The following ZCCHC14 variants were observed in gnomAD, a reference collection of about 807,000 sequenced individuals.
ZCCHC14 encodes the protein zinc finger CCHC-type containing 14.
ZCCHC14 carries 16 observed loss-of-function variants against 85.0 expected under a neutral mutation model. That is an observed-to-expected ratio of 0.19 (90% CI 0.13 to 0.29). The LOEUF (loss-of-function observed/expected upper bound fraction) is 0.29. ZCCHC14 is among the 10% of genes least tolerant of loss of function. ZCCHC14 has a pLI of 1.00. For synonymous variants in ZCCHC14, 775 were observed against 630.7 expected (o/e 1.23, Z -3.43); for missense variants, 1,303 against 1,443.5 (o/e 0.90, Z 1.58).
At chr16:87,414,365 G>A (rs1908664991) in intron 10 of ZCCHC14, 49 bp downstream of exon 10, 2 of 1,611,696 alleles carry the variant, frequency 1.2e-6, no homozygotes, top group Non-Finnish European at 1.7e-6. Context: ...CGACACACGG[G>A]CCCTCTCTGT....
intron 1 of ZCCHC14, among the ~76,000 whole-genome samples, chr16:87,480,070 T>C (rs553579274): frequency 2.0e-5 from 3 of 152,068 alleles, no homozygotes; most frequent in East Asian, 2.0e-4. Context: ...CCAGTGCACC[T>C]GGCCTTGCAT....
At chr16:87,433,911 T>G (rs1191225987) in intron 2 of ZCCHC14, among the ~76,000 whole-genome samples, 1 of 151,912 alleles carries the variant, frequency 6.6e-6, no homozygotes, top group African/African-American at 2.4e-5. Context: ...CCCAACGTGC[T>G]GGATTTACAG....
intron 2 of ZCCHC14, among the ~76,000 whole-genome samples, chr16:87,450,116 C>T (rs1910625599): frequency 6.6e-6 from 1 of 152,202 alleles, no homozygotes. Flanking sequence ...ATATACAAGA[C>T]AACCAAATGT....
At chr16:87,422,912 G>T (rs549817739) in intron 4 of ZCCHC14, among the ~76,000 whole-genome samples, 2 of 152,252 alleles carry the variant, frequency 1.3e-5, no homozygotes, top group East Asian at 3.9e-4. Flanking sequence ...TCCCGGGGGG[G>T]GGTGTGTGTT....
At chr16:87,422,934 C>A (rs997967142) in intron 4 of ZCCHC14, among the ~76,000 whole-genome samples, 2 of 151,974 alleles carry the variant, frequency 1.3e-5, no homozygotes, top group African/African-American at 4.8e-5. Context: ...CCCTCGAAGG[C>A]GTGGCACTGT....
At chr16:87,490,174 T>C (rs1912688907) in intron 1 of ZCCHC14, among the ~76,000 whole-genome samples, 1 of 152,134 alleles carries the variant, frequency 6.6e-6, no homozygotes, top group South Asian at 2.1e-4. Context: ...ATGTATGTAC[T>C]ACAACCACTT....
chr16:87,470,465 A>C lies in ZCCHC14; in HGVS notation c.571-10334T>G, dbSNP rs535444605. On this transcript the variant is annotated intron_variant, in intron 1 of 12. Transcript: ENST00000671377. ...AGCTGCAGGGGGTGGCCTCGTCCTC[A>C]GCTGAGTGTAACCTGGGGCCACTGT... The C allele has an allele frequency of 1.7e-4, 26 of 152,256 alleles. No homozygotes were observed. In the South Asian group the frequency reaches 3.1e-3, roughly 18 times the overall value. The allele number at this position is 152,256 out of a possible 1,614,324, so 9.4% of individuals were successfully genotyped here. A position where few individuals can be genotyped will look rare whatever the true frequency, so the allele number is the denominator to read the frequency against.
At chr16:87,413,660 C>T (rs1241128733) in intron 10 of ZCCHC14, among the ~76,000 whole-genome samples, 5 of 152,068 alleles carry the variant, frequency 3.3e-5, no homozygotes, top group Non-Finnish European at 5.9e-5. Flanking sequence ...GGAGCAAGCG[C>T]GCCAGGTGTC....
intron 3 of ZCCHC14, among the ~76,000 whole-genome samples, chr16:87,432,836 G>T (rs117295530): frequency 0.017 from 2,524 of 152,270 alleles, 25 homozygotes; most frequent in Middle Eastern, 0.044. Context: ...TGCTCCGCAG[G>T]CTGCCTCATC....
rs545446758 is a variant in ZCCHC14 at position 87,420,925 on chromosome 16, C to T, written c.841-209G>A. ...AGAACATCGCTCTCACAGTTACATC[C>T]GGAAAAGCTTGACAATCTGCACAAT... is the stretch of plus-strand genomic sequence containing the variant. On this transcript the variant is annotated intron_variant, in intron 4 of 12. Transcript: ENST00000671377. The surrounding 1 kb of genome is among the most constrained non-coding windows in gnomAD (Gnocchi z 5.0). 5.3e-5 allele frequency among the ~76,000 whole-genome samples: 8 copies of T among 152,234 alleles called. No individual in the cohort carries two copies. The highest frequency in any genetic ancestry group is 1.2e-4 in the African/African-American group (5 of 41,458).
rs1162329318 is a variant in ZCCHC14 at position 87,460,040 on chromosome 16, A to G, written c.662T>C (p.Leu221Pro). Reference sequence around the variant, plus strand: ...GTGTTTTCCTAAGGGCCTCTTGGGCAGCGACTCCTCCGTGGAATGTGCTGA... The same window carrying G: ...GTGTTTTCCTAAGGGCCTCTTGGGCGGCGACTCCTCCGTGGAATGTGCTGA... ...HTSAHSTEES[L>P]PKRPLGKHSK... The change falls in exon 2 of 13, where the codon CTG becomes CCG. Residue 221 changes from leucine (L) to proline (P), a missense_variant. This residue lies in a region of ZCCHC14 where 389 missense variants were observed against 397.8 expected (regional missense o/e 0.98). Coordinates refer to ENST00000671377, the MANE Select transcript of ZCCHC14 (RefSeq NM_015144.3). 6.2e-7 allele frequency: 1 copy of G among 1,614,044 alleles called. No individual in the cohort carries two copies. The highest frequency in any genetic ancestry group is 1.3e-5 in the African/African-American group (1 of 74,936).
intron 1 of ZCCHC14, among the ~76,000 whole-genome samples, chr16:87,487,970 G>T (rs935951251): frequency 2.6e-5 from 4 of 152,114 alleles, no homozygotes; most frequent in African/African-American, 9.7e-5. Context: ...AAGGGTTGGG[G>T]GGAGGGGGAA....
intron 1 of ZCCHC14, among the ~76,000 whole-genome samples, chr16:87,476,505 GC>G (rs1912010041): frequency 1.3e-5 from 2 of 152,154 alleles, no homozygotes; most frequent in South Asian, 4.2e-4. Flanking sequence ...ACAGTGACCA[GC>G]TTCTTACACT....
rs535168617 is a variant in ZCCHC14, at chr16:87,409,985, A to C, written c.*295T>G. ...TGAGCCTAGGAGGGCCAGTGATGGCAATGCTCTTCGGGAGACATGGCGTCT... is the reference window on the plus strand; with the variant it reads ...TGAGCCTAGGAGGGCCAGTGATGGCCATGCTCTTCGGGAGACATGGCGTCT... On this transcript the variant is annotated 3_prime_UTR_variant, in exon 13 of 13. Transcript: ENST00000671377. 5.0e-5 allele frequency: 13 copies of C among 257,782 alleles called. No homozygotes were observed. Among genetic ancestry groups the C allele is most frequent in the Non-Finnish European group, 6.6e-5 (9 of 136,240 alleles). 16.0% of individuals were successfully genotyped at this position (257,782 alleles called of 1,614,324 possible). A position where few individuals can be genotyped will look rare whatever the true frequency, so the allele number is the denominator to read the frequency against.
At chr16:87,472,295 C>T (rs1277138555) in intron 1 of ZCCHC14, 1 of 152,232 alleles carries the variant, frequency 6.6e-6, no homozygotes, top group Non-Finnish European at 1.5e-5. Flanking sequence ...GGGACAGCCA[C>T]CATATTGACT....
At chr16:87,467,352 T>C in intron 1 of ZCCHC14, 2 of 1,596,808 alleles carry the variant, frequency 1.3e-6, no homozygotes, top group Non-Finnish European at 1.7e-6. Context: ...CATCCAACTC[T>C]GCACCCCTGG....
rs1246436914 is a variant in ZCCHC14, at chr16:87,492,825, CGCGCGGCGGGAG to C, written c.-599_-588del. On this transcript the variant is annotated 5_prime_UTR_variant, in exon 1 of 13. Transcript: ENST00000671377. The surrounding 1 kb of genome is among the most constrained non-coding windows in gnomAD (Gnocchi z 6.7). Reference sequence around the variant, plus strand: ...GAAACGGACGCTGGAGGGGGAGGGACGCGCGGCGGGAGGCGCGGAGGGATCCGGCCGGGACTT... The same window carrying C: ...GAAACGGACGCTGGAGGGGGAGGGACGCGCGGAGGGATCCGGCCGGGACTT... Among the ~76,000 whole-genome samples the C allele has an allele frequency of 6.8e-6, 1 of 147,452 alleles. No individual in the cohort carries two copies. Among genetic ancestry groups the C allele is most frequent in the African/African-American group, 2.5e-5 (1 of 40,816 alleles).
chr16:87,412,846 T>C lies in ZCCHC14; in HGVS notation c.1875A>G (p.Ser625=), dbSNP rs571053916. 6.4e-5 allele frequency: 103 copies of C among 1,608,998 alleles called. No individual in the cohort carries two copies. In the South Asian group the frequency reaches 1.1e-3, roughly 16 times the overall value. The change falls in exon 12 of 13, where the codon TCA becomes TCG. Residue 625 remains serine, a synonymous_variant. Transcript: ENST00000671377. ...PVQNEASSNP[S]GHHPLPPQML... is the part of the protein sequence containing the mutation. The stretch of plus-strand genomic sequence containing the variant: ...TCTGCGGGGGCAGGGGGTGGTGGCC[T>C]GATGGATTGGAGCTGGCCTCATTCT...
intron 1 of ZCCHC14, among the ~76,000 whole-genome samples, chr16:87,485,059 G>A (rs1172518962): frequency 6.6e-6 from 1 of 152,198 alleles, no homozygotes; most frequent in East Asian, 1.9e-4. Context: ...ATTTTTCTGT[G>A]AGCCTGCAAA....
Sources: allele counts gnomAD v4.1 joint callset (sites outside exome capture counted in the v4.1 genomes callset), GRCh38; gene constraint gnomAD v4.1.1; regional missense constraint gnomAD v4.1.1; non-coding constraint Gnocchi (gnomAD v3.1); transcripts MANE v1.5; gene names NCBI Gene and HGNC (gene_info 2026-07-23, HGNC 2026-07-21).